Variants in COX5A observed in about 807,000 individuals in gnomAD.
COX5A encodes cytochrome c oxidase subunit 5A, mitochondrial.
In COX5A, 6 loss-of-function variants were observed where a neutral mutation model predicts 16.1. That is an observed-to-expected ratio of 0.37 (90% CI 0.20 to 0.73). The LOEUF is 0.73. COX5A is among the 30% of genes least tolerant of loss of function. COX5A has a pLI of 0.50. For synonymous variants in COX5A, 73 were observed against 73.8 expected (o/e 0.99, Z 0.06); for missense variants, 159 against 194.9 (o/e 0.82, Z 1.10).
At chr15:74,936,626 T>A (rs1336690502) in intron 1 of COX5A, among the ~76,000 whole-genome samples, 3 of 144,922 alleles carry the variant, frequency 2.1e-5, no homozygotes, top group Non-Finnish European at 4.5e-5. Context: ...CATATTCTTT[T>A]TTTTTTTTTT....
intron 4 of COX5A, among the ~76,000 whole-genome samples, chr15:74,920,926 G>A (rs1286995752): frequency 2.6e-5 from 4 of 151,872 alleles, no homozygotes; most frequent in Non-Finnish European, 4.4e-5. Flanking sequence ...GGAGTGGGCC[G>A]AGATCGCTTC....
At position 74,931,016 on chromosome 15, in the gene COX5A, C is replaced by CAAAAAAAAAAAAAAAAAAAAAAAAAA. The variant is rs61417867; in HGVS notation, c.101-1810_101-1785dup. Reference sequence around the variant, plus strand: ...TGGGCAACAGAGCGAGACTCTGTCTCAAAAAAAAAAAAAAAAAAAAAAAAA... The same window carrying CAAAAAAAAAAAAAAAAAAAAAAAAAA: ...TGGGCAACAGAGCGAGACTCTGTCTCAAAAAAAAAAAAAAAAAAAAAAAAAAAAAAAAAAAAAAAAAAAAAAAAAAA... On this transcript the variant is annotated intron_variant, in intron 1 of 4. Coordinates refer to ENST00000322347, the MANE Select transcript of COX5A (RefSeq NM_004255.4). Among the ~76,000 whole-genome samples, 2 of 23,718 alleles carry CAAAAAAAAAAAAAAAAAAAAAAAAAA rather than the reference C, an allele frequency of 8.4e-5. 1 individual carries two copies. The highest frequency in any genetic ancestry group is 2.2e-4 in the African/African-American group (2 of 9,042). The allele number at this position is 23,718 out of a possible 152,430, so 15.6% of individuals were successfully genotyped here. A position where few individuals can be genotyped will look rare whatever the true frequency, so the allele number is the denominator to read the frequency against.
chr15:74,920,914 T>C (rs983492163), intron 4 of COX5A, among the ~76,000 whole-genome samples: 5 of 150,340 alleles, frequency 3.3e-5, no homozygotes. Context: ...GAGGCGGAGG[T>C]TGGAGTGGGC....
In COX5A at chr15:74,920,372, T is replaced by C; in HGVS notation, c.*80A>G. On this transcript the variant is annotated 3_prime_UTR_variant, in exon 5 of 5. Coordinates refer to ENST00000322347, the MANE Select transcript of COX5A (RefSeq NM_004255.4). ...AAACTTGTTCAAATAAGGTAATATG[T>C]TATCATCAGTATTTCCAGGTAACTG... 1.4e-6 allele frequency: 1 copy of C among 694,246 alleles called. No homozygotes were observed. The highest frequency in any genetic ancestry group is 2.6e-6 in the Non-Finnish European group (1 of 382,094). The allele number at this position is 694,246 out of a possible 1,614,324, so 43.0% of individuals were successfully genotyped here.
rs952509856 is a variant in COX5A at position 74,920,396 on chromosome 15, T to A, written c.*56A>T. 1.4e-6 allele frequency: 1 copy of A among 695,730 alleles called. No individual in the cohort carries two copies. The highest frequency in any genetic ancestry group is 2.6e-6 in the Non-Finnish European group (1 of 382,570). The allele number at this position is 695,730 out of a possible 1,614,324, so 43.1% of individuals were successfully genotyped here. ...GTTATCATCAGTATTTCCAGGTAAC[T>A]GTTCACACTCAAGTAGCAATGTCAA... is the stretch of plus-strand genomic sequence containing the variant. On this transcript the variant is annotated 3_prime_UTR_variant, in exon 5 of 5. Coordinates refer to ENST00000322347, the MANE Select transcript of COX5A (RefSeq NM_004255.4).
At chr15:74,925,403 T>G (rs1429369617) in intron 3 of COX5A, among the ~76,000 whole-genome samples, 1 of 152,160 alleles carries the variant, frequency 6.6e-6, no homozygotes, top group Non-Finnish European at 1.5e-5. Flanking sequence ...ATATATTTTT[T>G]GAGATGGAGT....
Position 74,923,716 on chromosome 15 carries a change from G to T in COX5A, c.394C>A (p.Pro132Thr), listed in dbSNP as rs145443833. The T allele has an allele frequency of 3.7e-6, 6 of 1,611,764 alleles. No homozygotes were observed. The African/African-American group carries it at 6.7e-5, about 18-fold the overall frequency. The change falls in exon 4 of 5, where the codon CCA becomes ACA. Residue 132 changes from proline (P) to threonine (T), a missense_variant. Physicochemically the swap from Pro to Thr is conservative, Grantham distance 38. Transcript: ENST00000322347. ...IYPYVIQELR[P>T]TLNELGISTP... is the part of the protein sequence containing the mutation. ...GAGATTCCCAGTTCATTTAAAGTTG[G>T]TCTAAGTTCCTGGATGACATAGGGG...
intron 1 of COX5A, among the ~76,000 whole-genome samples, chr15:74,931,402 G>A (rs1009770578): frequency 7.2e-5 from 11 of 152,014 alleles, no homozygotes; most frequent in African/African-American, 2.7e-4. Flanking sequence ...GCGAGAGACT[G>A]AGGCAGGAGA....
chr15:74,928,319 C>G (rs536116007), intron 2 of COX5A, among the ~76,000 whole-genome samples: 23 of 151,442 alleles, frequency 1.5e-4, no homozygotes, highest in African/African-American at 4.8e-4. Flanking sequence ...CAAAACAATG[C>G]AAAAATAACA....
intron 4 of COX5A, among the ~76,000 whole-genome samples, chr15:74,923,413 CA>C (rs935173630): frequency 1.1e-3 from 138 of 126,722 alleles, no homozygotes; most frequent in Admixed American, 3.0e-3. Flanking sequence ...GACTCCATCT[CA>C]AAAAAAAAAA....
intron 1 of COX5A, among the ~76,000 whole-genome samples, chr15:74,932,119 G>A (rs1246062187): frequency 6.6e-6 from 1 of 152,178 alleles, no homozygotes; most frequent in African/African-American, 2.4e-5. Context: ...GATTAAATGT[G>A]AAAACAGGTA....
chr15:74,926,945 G>T (rs1415565268), intron 2 of COX5A, 58 bp from the exon 3 acceptor site: 31 of 1,559,000 alleles, frequency 2.0e-5, no homozygotes, highest in Non-Finnish European at 2.6e-5. Context: ...TAAACTATGA[G>T]TTATTTATAT....
At chr15:74,920,756 T>C (rs909320860) in intron 4 of COX5A, among the ~76,000 whole-genome samples, 14 of 152,276 alleles carry the variant, frequency 9.2e-5, no homozygotes, top group African/African-American at 4.8e-5. Context: ...GGCGAATGGA[T>C]TGCCTGAGCA....
rs2065314606 is a variant in COX5A, at chr15:74,920,390, G to A, written c.*62C>T. 1.4e-6 allele frequency: 1 copy of A among 694,822 alleles called. No individual in the cohort carries two copies. The highest frequency in any genetic ancestry group is 2.6e-6 in the Non-Finnish European group (1 of 382,190). 43.0% of individuals were successfully genotyped at this position (694,822 alleles called of 1,614,324 possible). On this transcript the variant is annotated 3_prime_UTR_variant, in exon 5 of 5. Transcript: ENST00000322347. Reference sequence around the variant, plus strand: ...TAATATGTTATCATCAGTATTTCCAGGTAACTGTTCACACTCAAGTAGCAA... The same window carrying A: ...TAATATGTTATCATCAGTATTTCCAAGTAACTGTTCACACTCAAGTAGCAA...
chr15:74,937,768 G>A (rs1425254363), intron 1 of COX5A, 147 bp downstream of exon 1: 3 of 452,044 alleles, frequency 6.6e-6, no homozygotes, highest in Non-Finnish European at 1.1e-5. Context: ...TACTCGAGGC[G>A]GCGGGCAGGG....
intron 3 of COX5A, among the ~76,000 whole-genome samples, chr15:74,924,646 G>T (rs1279050459): frequency 2.0e-5 from 3 of 152,194 alleles, no homozygotes; most frequent in African/African-American, 7.2e-5. Flanking sequence ...TTAAAGTCTA[G>T]AATTACTGGA....
intron 2 of COX5A, 83 bp from the exon 3 acceptor site, chr15:74,926,970 T>A: frequency 6.9e-7 from 1 of 1,449,612 alleles, no homozygotes; most frequent in Non-Finnish European, 9.4e-7. Context: ...ACTGAATCAC[T>A]GATGTATGAT....
intron 4 of COX5A, among the ~76,000 whole-genome samples, chr15:74,922,492 TTTTC>T (rs1031954576): frequency 2.6e-5 from 4 of 152,062 alleles, no homozygotes; most frequent in African/African-American, 9.7e-5. Context: ...TTCTGAATAT[TTTTC>T]TTTCTATGTA....
Position 74,923,728 on chromosome 15 carries a change from G to C in COX5A, c.382C>G (p.Gln128Glu). Residue 128 changes from glutamine (Q) to glutamate (E), a missense_variant, in exon 4 of 5, where the codon CAG (glutamine) becomes GAG (glutamate). Physicochemically the swap from Gln to Glu is conservative, Grantham distance 29. Coordinates refer to ENST00000322347, the MANE Select transcript of COX5A (RefSeq NM_004255.4). Reference sequence around the variant, plus strand: ...TCATTTAAAGTTGGTCTAAGTTCCTGGATGACATAGGGGTAGATTTCCTTA... The same window carrying C: ...TCATTTAAAGTTGGTCTAAGTTCCTCGATGACATAGGGGTAGATTTCCTTA... ...PHKEIYPYVI[Q>E]ELRPTLNELG... 1 of 1,611,546 alleles carries C rather than the reference G, an allele frequency of 6.2e-7. No individual in the cohort carries two copies. The highest frequency in any genetic ancestry group is 8.5e-7 in the Non-Finnish European group (1 of 1,179,368).
Sources: allele counts gnomAD v4.1 joint callset (sites outside exome capture counted in the v4.1 genomes callset), GRCh38; gene constraint gnomAD v4.1.1; transcripts MANE v1.5; gene names NCBI Gene and HGNC (gene_info 2026-07-23, HGNC 2026-07-21).